The following COL25A1 variants were observed in gnomAD, a reference collection of about 807,000 sequenced individuals.
COL25A1 encodes the protein collagen alpha-1(XXV) chain.
COL25A1 carries 103 observed loss-of-function variants against 128.4 expected under a neutral mutation model. The observed-to-expected ratio is 0.80, with a 90% confidence interval of 0.68 to 0.94. The LOEUF (loss-of-function observed/expected upper bound fraction) is 0.94, where lower values mean the gene tolerates loss of function less well. COL25A1 is among the 40% of genes least tolerant of loss of function. The pLI is 0.00. For missense variants in COL25A1, 745 were observed against 840.0 expected, an observed-to-expected ratio of 0.89 and a Z score of 1.40; for synonymous variants, 279 against 277.2, an observed-to-expected ratio of 1.01 and a Z score of -0.06.
intron 5 of COL25A1, among the ~76,000 whole-genome samples, chr4:109,023,146 C>A (rs1757925428): frequency 6.6e-6 from 1 of 152,350 alleles, no homozygotes; most frequent in East Asian, 1.9e-4. Flanking sequence ...AGGGCTTCCA[C>A]AGCATATCAG....
chr4:109,099,915 G>T (rs185840687), intron 3 of COL25A1, among the ~76,000 whole-genome samples: 25 of 152,206 alleles, frequency 1.6e-4, no homozygotes, highest in Non-Finnish European at 3.2e-4. Flanking sequence ...AAACAGCAGA[G>T]ATATGATTTT....
intron 3 of COL25A1, among the ~76,000 whole-genome samples, chr4:109,162,634 G>T (rs1459877534): frequency 6.6e-6 from 1 of 152,214 alleles, no homozygotes; most frequent in African/African-American, 2.4e-5. Flanking sequence ...TTAAAATGAG[G>T]TGGATAGTAT....
intron 6 of COL25A1, among the ~76,000 whole-genome samples, chr4:108,984,009 A>G (rs1278979715): frequency 6.6e-6 from 1 of 152,098 alleles, no homozygotes; most frequent in Non-Finnish European, 1.5e-5. Context: ...TGATTGGTAG[A>G]GCGGAGTGGT....
chr4:109,177,796 T>C (rs1185884198), intron 3 of COL25A1, among the ~76,000 whole-genome samples: 1 of 152,216 alleles, frequency 6.6e-6, no homozygotes, highest in African/African-American at 2.4e-5. Flanking sequence ...TGATTCATTG[T>C]GTAAGTATAG....
chr4:109,265,603 C>G (rs1038355175), intron 3 of COL25A1, among the ~76,000 whole-genome samples: 1 of 146,010 alleles, frequency 6.8e-6, no homozygotes, highest in East Asian at 2.0e-4. Context: ...GTTTCTATGT[C>G]ATTTGAACTA....
At chr4:109,199,273 C>T (rs1776362488) in intron 3 of COL25A1, among the ~76,000 whole-genome samples, 2 of 152,110 alleles carry the variant, frequency 1.3e-5, no homozygotes, top group African/African-American at 4.8e-5. Flanking sequence ...TTTATCACCA[C>T]GATGTGTACT....
intron 3 of COL25A1, among the ~76,000 whole-genome samples, chr4:109,280,637 T>C (rs535939958): frequency 1.3e-4 from 20 of 152,080 alleles, no homozygotes; most frequent in Admixed American, 9.2e-4. Context: ...AGATAATTCA[T>C]GCTGAAATAC....
chr4:109,098,633 A>C (rs1484163308), intron 3 of COL25A1, among the ~76,000 whole-genome samples: 1 of 152,220 alleles, frequency 6.6e-6, no homozygotes, highest in African/African-American at 2.4e-5. Flanking sequence ...TAGATCATTG[A>C]AGCCTTCATC....
rs557340463 is a variant in COL25A1 at position 109,280,206 on chromosome 4, T to C, written c.367+20377A>G. On this transcript the variant is annotated intron_variant, in intron 3 of 37. Coordinates refer to ENST00000399132, the MANE Select transcript of COL25A1 (RefSeq NM_198721.4). Reference sequence around the variant, plus strand: ...CTGATCACCAGTGTGCATTACTATATGTTCAGAAGAAGTTTAGAGACAAAA... The same window carrying C: ...CTGATCACCAGTGTGCATTACTATACGTTCAGAAGAAGTTTAGAGACAAAA... Among the ~76,000 whole-genome samples the C allele has an allele frequency of 7.2e-5, 11 of 152,352 alleles. No homozygotes were observed. In the South Asian group the frequency reaches 2.1e-3, roughly 29 times the overall value.
chr4:109,282,983 A>T (rs929893402), intron 3 of COL25A1, among the ~76,000 whole-genome samples: 13 of 151,360 alleles, frequency 8.6e-5, no homozygotes, highest in Non-Finnish European at 1.9e-4. Flanking sequence ...GCACTGAAGA[A>T]AAAAAGGATA....
chr4:108,941,606 T>C (rs1251665568), intron 8 of COL25A1, among the ~76,000 whole-genome samples, 169 bp from the exon 9 acceptor site: 1 of 152,224 alleles, frequency 6.6e-6, no homozygotes, highest in Admixed American at 6.5e-5. Context: ...CTGGCTCTTC[T>C]TGAAAGAAAT....
At chr4:109,154,874 T>C (rs996169168) in intron 3 of COL25A1, among the ~76,000 whole-genome samples, 7 of 152,192 alleles carry the variant, frequency 4.6e-5, no homozygotes, top group South Asian at 4.1e-4. Context: ...TTAAGATACA[T>C]TGTCTTCTTT....
At chr4:109,197,327 A>AGT (rs1776131841) in intron 3 of COL25A1, among the ~76,000 whole-genome samples, 1 of 135,926 alleles carries the variant, frequency 7.4e-6, no homozygotes, top group South Asian at 2.2e-4. Context: ...CCCTGTCTCA[A>AGT]GTATATATAT....
chr4:108,883,548 AAACATTTTTTAAAATGTTTTT>A (rs1740396475), intron 19 of COL25A1, among the ~76,000 whole-genome samples: 1 of 152,162 alleles, frequency 6.6e-6, no homozygotes, highest in Non-Finnish European at 1.5e-5. Flanking sequence ...AAAAATTTCA[AAACATTTTTTAAAATGTTTTT>A]AACATTTTTA....
intron 8 of COL25A1, among the ~76,000 whole-genome samples, chr4:108,970,845 C>T (rs1379570644): frequency 6.6e-6 from 1 of 152,020 alleles, no homozygotes; most frequent in Non-Finnish European, 1.5e-5. Context: ...ACATAATGTC[C>T]TTCAGGTTCA....
chr4:109,160,230 A>G (rs1024810360), intron 3 of COL25A1, among the ~76,000 whole-genome samples: 1 of 152,224 alleles, frequency 6.6e-6, no homozygotes, highest in Non-Finnish European at 1.5e-5. Flanking sequence ...CTGAGAGTCA[A>G]GATATATCCA....
At chr4:108,852,503 T>G (rs951025337) in intron 25 of COL25A1, among the ~76,000 whole-genome samples, 21 of 152,222 alleles carry the variant, frequency 1.4e-4, no homozygotes, top group African/African-American at 5.1e-4. Flanking sequence ...ATGTGGAAGG[T>G]GCTTCTGGGT....
At chr4:108,910,612 G>A (rs190747933) in intron 13 of COL25A1, among the ~76,000 whole-genome samples, 179 of 152,184 alleles carry the variant, frequency 1.2e-3, no homozygotes, top group African/African-American at 3.6e-3. Context: ...CCACACTCTC[G>A]ACCACTACTA....
At chr4:108,870,369 T>G (rs1738560169) in intron 19 of COL25A1, among the ~76,000 whole-genome samples, 2 of 151,232 alleles carry the variant, frequency 1.3e-5, no homozygotes, top group African/African-American at 4.9e-5. Context: ...CAAAAGGATA[T>G]CACCACCACC....
Sources: gnomAD v4.1 joint callset for allele counts (sites outside exome capture counted in the v4.1 genomes callset) on GRCh38, gnomAD v4.1.1 for gene constraint, MANE v1.5 for transcripts, NCBI Gene and HGNC (gene_info 2026-07-23, HGNC 2026-07-21) for gene names.